MTHFD1L: variants seen among roughly 807,000 people sequenced by gnomAD.
MTHFD1L encodes methylenetetrahydrofolate dehydrogenase (NADP+ dependent) 1 like.
Under a neutral mutation model 119.5 loss-of-function variants are expected in MTHFD1L, and 81 were observed. The ratio of observed to expected loss-of-function variants is 0.68; its 90% confidence interval spans 0.57 to 0.82. The LOEUF (loss-of-function observed/expected upper bound fraction) is 0.82. Ranked by LOEUF, MTHFD1L falls within the 40% of genes least tolerant of loss-of-function variation. The pLI is 0.00. For missense variants in MTHFD1L, 1,125 were observed against 1,253.4 expected (o/e 0.90, Z 1.55); for synonymous variants, 430 against 475.2 (o/e 0.90, Z 1.24).
chr6:151,002,034 T>A (rs1332558686), intron 20 of MTHFD1L, among the ~76,000 whole-genome samples: 1 of 152,204 alleles, frequency 6.6e-6, no homozygotes, highest in African/African-American at 2.4e-5. Context: ...AACAAAAGCC[T>A]GGACACACTT....
intron 18 of MTHFD1L, among the ~76,000 whole-genome samples, chr6:150,962,184 T>C (rs1280424127): frequency 6.6e-6 from 1 of 152,052 alleles, no homozygotes; most frequent in Non-Finnish European, 1.5e-5. Context: ...GAGATGGGGT[T>C]TCACCATTTT....
At chr6:151,038,413 G>C (rs187300036) in intron 26 of MTHFD1L, among the ~76,000 whole-genome samples, 1 of 152,080 alleles carries the variant, frequency 6.6e-6, no homozygotes, top group African/African-American at 2.4e-5. Flanking sequence ...GTTGGATGAG[G>C]GGGGGTGGCT....
chr6:151,006,338 A>G lies in MTHFD1L; in HGVS notation c.2126-3481A>G, dbSNP rs374169932. Among the ~76,000 whole-genome samples, 6 of 152,274 alleles carry G rather than the reference A, an allele frequency of 3.9e-5. No individual in the cohort carries two copies. In the East Asian group the frequency reaches 9.7e-4, roughly 25 times the overall value. On this transcript the variant is annotated intron_variant, in intron 20 of 27. Coordinates refer to ENST00000367321, the MANE Select transcript of MTHFD1L (RefSeq NM_015440.5). ...AGAGGAATGTTCCACATGGGAAAAG[A>G]GGTCTGGAGGTGACAACAAGTAACA...
intron 20 of MTHFD1L, among the ~76,000 whole-genome samples, chr6:150,995,744 G>A (rs190854943): frequency 7.3e-5 from 11 of 151,362 alleles, no homozygotes; most frequent in East Asian, 4.0e-4. Flanking sequence ...TCGACTCACC[G>A]CAACCTCCGC....
chr6:150,945,316 C>A, intron 14 of MTHFD1L, 151 bp from the exon 15 acceptor site: 1 of 597,424 alleles, frequency 1.7e-6, no homozygotes, highest in Non-Finnish European at 3.0e-6. Flanking sequence ...TTTAAGTCAA[C>A]ATTGTTTATA....
At chr6:150,876,837 C>T (rs1474564487) in intron 2 of MTHFD1L, among the ~76,000 whole-genome samples, 2 of 152,218 alleles carry the variant, frequency 1.3e-5, no homozygotes, top group African/African-American at 4.8e-5. Context: ...AAAATAGCAG[C>T]CTCTGGTTCC....
intron 20 of MTHFD1L, among the ~76,000 whole-genome samples, chr6:150,978,896 C>A (rs12525353): frequency 0.019 from 2,898 of 152,234 alleles, 36 homozygotes; most frequent in Middle Eastern, 0.044. Flanking sequence ...GGCTATTGTG[C>A]TCAGTGTTTT....
chr6:150,923,537 A>ATTTTTTTTTTTTTTT (rs1231382945), intron 10 of MTHFD1L, among the ~76,000 whole-genome samples: 1 of 95,208 alleles, frequency 1.1e-5, no homozygotes, highest in African/African-American at 5.1e-5. Flanking sequence ...TTATTTATTT[A>ATTTTTTTTTTTTTTT]TTTTTTCTTT....
intron 27 of MTHFD1L, among the ~76,000 whole-genome samples, chr6:151,095,865 G>A (rs181629290): frequency 1.3e-5 from 2 of 152,342 alleles, no homozygotes; most frequent in African/African-American, 4.8e-5. Context: ...GCTGGCACAT[G>A]TCATTTTGCC....
intron 20 of MTHFD1L, chr6:150,985,126 C>T (rs1778096189): frequency 6.6e-6 from 1 of 152,182 alleles, no homozygotes; most frequent in African/African-American, 2.4e-5. Context: ...AGCTCCTATT[C>T]CCACTGTACG....
intron 24 of MTHFD1L, among the ~76,000 whole-genome samples, chr6:151,024,418 C>G (rs557077748): frequency 6.6e-6 from 1 of 152,176 alleles, no homozygotes; most frequent in East Asian, 1.9e-4. Flanking sequence ...GGCACATGCA[C>G]TGTAGTCTCA....
chr6:151,084,359 G>A (rs538245960), intron 26 of MTHFD1L, among the ~76,000 whole-genome samples: 142 of 152,296 alleles, frequency 9.3e-4, no homozygotes, highest in African/African-American at 3.1e-3. Flanking sequence ...AGCCTGGCAC[G>A]CGTGTCTTCC....
rs1312105637 is a variant in MTHFD1L, at chr6:150,866,022, C to G, written c.200C>G (p.Thr67Arg). 2.1e-5 allele frequency: 29 copies of G among 1,401,478 alleles called. No individual in the cohort carries two copies. The highest frequency in any genetic ancestry group is 2.6e-5 in the Non-Finnish European group (28 of 1,082,736). 86.8% of individuals were successfully genotyped at this position (1,401,478 alleles called of 1,614,324 possible). A position where few individuals can be genotyped will look rare whatever the true frequency, so the allele number is the denominator to read the frequency against. The change falls in exon 1 of 28, where the codon ACG (threonine) becomes AGG (arginine). Residue 67 changes from threonine to arginine, a missense_variant. Coordinates refer to ENST00000367321, the MANE Select transcript of MTHFD1L (RefSeq NM_015440.5). ...ARSSCSPGGR[T>R]PAARDSIVRE... ...AGCAGCTGCAGCCCCGGCGGCCGAA[C>G]GCCCGCGGCGCGGGACTCCATCGTC...
intron 26 of MTHFD1L, among the ~76,000 whole-genome samples, chr6:151,066,094 C>T (rs1459477202): frequency 6.6e-6 from 1 of 152,218 alleles, no homozygotes; most frequent in Non-Finnish European, 1.5e-5. Context: ...TCCATACTCA[C>T]AAACACTGAA....
chr6:150,936,653 G>T, intron 11 of MTHFD1L, 151 bp from the exon 12 acceptor site: 1 of 925,982 alleles, frequency 1.1e-6, no homozygotes, highest in Non-Finnish European at 1.6e-6. Context: ...TGTCCTGTGT[G>T]ATGTGAGTAG....
chr6:151,089,792 C>T (rs1424823658), intron 26 of MTHFD1L, among the ~76,000 whole-genome samples: 1 of 152,174 alleles, frequency 6.6e-6, no homozygotes. Flanking sequence ...TCTGGGGTCT[C>T]CCCCATTGTA....
In MTHFD1L at chr6:150,905,665, A is replaced by T. The variant is rs753684815; in HGVS notation, c.796A>T (p.Ile266Phe). ...QLQSKLHEAD[I>F]VVLGSPKPEE... ...CTCCTTTTAGCTTCACGAGGCTGAC[A>T]TTGTGGTCCTAGGCTCACCTAAGCC... Residue 266 changes from isoleucine to phenylalanine, a missense_variant, in exon 8 of 28, where the codon ATT (isoleucine) becomes TTT (phenylalanine). Ile to Phe is a conservative substitution (Grantham distance 21, BLOSUM62 0). Coordinates refer to ENST00000367321, the MANE Select transcript of MTHFD1L (RefSeq NM_015440.5). The T allele has an allele frequency of 6.2e-7, 1 of 1,613,944 alleles. No homozygotes were observed.
chr6:150,992,689 T>C (rs1017892673), intron 20 of MTHFD1L, among the ~76,000 whole-genome samples: 1 of 152,220 alleles, frequency 6.6e-6, no homozygotes, highest in South Asian at 2.1e-4. Context: ...TGGCCATGTT[T>C]AGTGGGCCAG....
chr6:150,869,008 C>T (rs1001546904), intron 1 of MTHFD1L, among the ~76,000 whole-genome samples: 2 of 152,146 alleles, frequency 1.3e-5, no homozygotes, highest in Non-Finnish European at 2.9e-5. Flanking sequence ...CTACAGTGAG[C>T]GGAGATTGCG....
Sources: allele counts gnomAD v4.1 joint callset (sites outside exome capture counted in the v4.1 genomes callset), GRCh38; gene constraint gnomAD v4.1.1; transcripts MANE v1.5; gene names NCBI Gene and HGNC (gene_info 2026-07-23, HGNC 2026-07-21).